TRIP11: variants seen among roughly 807,000 people sequenced by gnomAD.
The protein encoded by TRIP11 is thyroid receptor-interacting protein 11.
A neutral mutation model predicts 223.1 loss-of-function variants in TRIP11; 148 were observed. The ratio of observed to expected loss-of-function variants is 0.66; its 90% CI spans 0.58 to 0.76. The LOEUF (loss-of-function observed/expected upper bound fraction) is 0.76. Ranked by LOEUF, TRIP11 falls within the 30% of genes least tolerant of loss-of-function variation. TRIP11 has a pLI of 0.00. For synonymous variants in TRIP11, 762 were observed against 772.6 expected, an observed-to-expected ratio of 0.99 and a Z score of 0.23; for missense variants, 2,043 against 2,222.0, an observed-to-expected ratio of 0.92 and a Z score of 1.62.
Position 92,004,666 on chromosome 14 carries a change from C to T in TRIP11, c.3310G>A (p.Val1104Ile). The change falls in exon 11 of 21, where the codon GTT becomes ATT. Residue 1104 changes from valine (V) to isoleucine (I), a missense_variant. Transcript: ENST00000267622. ...TTTTCCCTAGTCTTCTCATTCAAAA[C>T]AGCAAATACCTTTTCTCTTTCCATA... ...YAMEREKVFA[V>I]LNEKTRENSH... 6.2e-7 allele frequency: 1 copy of T among 1,614,130 alleles called. No homozygotes were observed. The highest frequency in any genetic ancestry group is 8.5e-7 in the Non-Finnish European group (1 of 1,180,010).
At position 91,995,470 on chromosome 14, in the gene TRIP11, A is replaced by T; in HGVS notation, c.4938T>A (p.Asn1646Lys). The T allele has an allele frequency of 6.2e-7, 1 of 1,614,138 alleles. No individual in the cohort carries two copies. The highest frequency in any genetic ancestry group is 8.5e-7 in the Non-Finnish European group (1 of 1,180,006). Residue 1646 changes from asparagine (N) to lysine (K), a missense_variant, in exon 14 of 21, where the codon AAT becomes AAA. Coordinates refer to ENST00000267622, the MANE Select transcript of TRIP11 (RefSeq NM_004239.4). Reference protein sequence around the residue: ...VQVESLQEQLNVVSKQRDETA... With the variant: ...VQVESLQEQLKVVSKQRDETA... ...TTTCATCCCTTTGCTTGGAAACTAC[A>T]TTCAACTGTTCTTGCAATGACTCTA...
rs940531433 is a variant in TRIP11, at chr14:92,012,532, T to C, written c.1187-737A>G. 2.0e-5 allele frequency among the ~76,000 whole-genome samples: 3 copies of C among 152,086 alleles called. No individual in the cohort carries two copies. In the South Asian group the frequency reaches 6.2e-4, roughly 32 times the overall value. ...GAACAAACAGGGTAAACACCTAATC[T>C]AGATTAGGAGGAGCAAATGGGGCCA... On this transcript the variant is annotated intron_variant, in intron 7 of 20. Coordinates refer to ENST00000267622, the MANE Select transcript of TRIP11 (RefSeq NM_004239.4).
At chr14:92,039,320 T>C (rs917281950) in intron 1 of TRIP11, among the ~76,000 whole-genome samples, 1 of 152,144 alleles carries the variant, frequency 6.6e-6, no homozygotes, top group African/African-American at 2.4e-5. Flanking sequence ...CTTTGAGATA[T>C]CCAGAATATT....
rs567829857 is a variant in TRIP11, at chr14:92,010,862, G to A, written c.1314+124C>T. 7.9e-5 allele frequency: 73 copies of A among 921,762 alleles called. No homozygotes were observed. The South Asian group carries it at 9.3e-4, about 12-fold the overall frequency. 57.1% of individuals were successfully genotyped at this position (921,762 alleles called of 1,614,324 possible). Reference sequence around the variant, plus strand: ...CACCTAGCCTGAAAAGCATCAGTGAGATCAGCTTTATTCTAAGGACTTGAG... The same window carrying A: ...CACCTAGCCTGAAAAGCATCAGTGAAATCAGCTTTATTCTAAGGACTTGAG... On this transcript the variant is annotated intron_variant, in intron 9 of 20. Coordinates refer to ENST00000267622, the MANE Select transcript of TRIP11 (RefSeq NM_004239.4).
intron 16 of TRIP11, among the ~76,000 whole-genome samples, chr14:91,985,920 C>T (rs1485065390): frequency 1.3e-5 from 2 of 152,016 alleles, no homozygotes; most frequent in African/African-American, 4.8e-5. Flanking sequence ...AATAAAATTG[C>T]ATTTGTATTT....
rs778739757 is a variant in TRIP11 at position 92,005,145 on chromosome 14, C to G, written c.2831G>C (p.Arg944Thr). ...QEQKKEMDEF[R>T]YQHEQMNATH... ...GGCGTTCATTTGCTCATGCTGGTAT[C>G]TAAACTCATCCATTTCCTTCTTTTG... The change falls in exon 11 of 21, where the codon AGA (arginine) becomes ACA (threonine). Residue 944 changes from arginine to threonine, a missense_variant. Coordinates refer to ENST00000267622, the MANE Select transcript of TRIP11 (RefSeq NM_004239.4). The G allele has an allele frequency of 6.2e-7, 1 of 1,613,596 alleles. No homozygotes were observed. Among genetic ancestry groups the G allele is most frequent in the Non-Finnish European group, 8.5e-7 (1 of 1,180,036 alleles).
In TRIP11 at chr14:91,969,622, A is replaced by G. The variant is rs1191346150; in HGVS notation, c.*51T>C. 6.4e-7 allele frequency: 1 copy of G among 1,560,440 alleles called. No homozygotes were observed. Among genetic ancestry groups the G allele is most frequent in the South Asian group, 1.1e-5 (1 of 89,840 alleles). On this transcript the variant is annotated 3_prime_UTR_variant, in exon 21 of 21. Transcript: ENST00000267622. The stretch of plus-strand genomic sequence containing the variant: ...ACTTTGTGATAAAGTACATACATAT[A>G]GTGTTCATGGTTTCTTTAAAGTGCT...
chr14:92,010,746 C>A (rs74073684), intron 9 of TRIP11, among the ~76,000 whole-genome samples: 10 of 152,002 alleles, frequency 6.6e-5, no homozygotes, highest in African/African-American at 2.4e-4. Flanking sequence ...CTCCACCTAT[C>A]TTTTCTGCTT....
At chr14:91,974,159 T>C (rs1201979337) in intron 19 of TRIP11, among the ~76,000 whole-genome samples, 2 of 152,240 alleles carry the variant, frequency 1.3e-5, no homozygotes, top group African/African-American at 4.8e-5. Context: ...TATTAACTGC[T>C]TCCTCCTTCG....
At chr14:92,007,570 A>G (rs1185912555) in intron 10 of TRIP11, 70 bp downstream of exon 10, 1 of 1,510,248 alleles carries the variant, frequency 6.6e-7, no homozygotes, top group Non-Finnish European at 9.2e-7. Flanking sequence ...TAATTAAATC[A>G]CACCCACCAT....
At chr14:91,994,712 T>A (rs2056726082) in intron 14 of TRIP11, among the ~76,000 whole-genome samples, 1 of 152,216 alleles carries the variant, frequency 6.6e-6, no homozygotes, top group Non-Finnish European at 1.5e-5. Flanking sequence ...AATTACTGAA[T>A]GCATGAATAA....
At chr14:91,992,765 C>T (rs1026864821) in intron 15 of TRIP11, among the ~76,000 whole-genome samples, 10 of 151,604 alleles carry the variant, frequency 6.6e-5, no homozygotes, top group South Asian at 2.1e-4. Flanking sequence ...AAAAATTAGC[C>T]GGGTGTGGTG....
intron 15 of TRIP11, among the ~76,000 whole-genome samples, chr14:91,990,597 G>T (rs2056659161): frequency 6.6e-6 from 1 of 152,184 alleles, no homozygotes; most frequent in Non-Finnish European, 1.5e-5. Flanking sequence ...GAAATGCAAG[G>T]CTGTAGTGCA....
chr14:92,027,008 G>A, intron 2 of TRIP11: 1 of 668,866 alleles, frequency 1.5e-6, no homozygotes, highest in Non-Finnish European at 2.6e-6. Flanking sequence ...CGCCCACCGT[G>A]GGCAGTGCCA....
chr14:92,006,585 T>A, intron 10 of TRIP11, 137 bp from the exon 11 acceptor site: 6 of 966,534 alleles, frequency 6.2e-6, no homozygotes, highest in Non-Finnish European at 9.1e-6. Flanking sequence ...TGTTTTTCTA[T>A]CAAAAACACC....
At chr14:92,036,321 G>C (rs2057324944) in intron 1 of TRIP11, among the ~76,000 whole-genome samples, 1 of 152,156 alleles carries the variant, frequency 6.6e-6, no homozygotes, top group African/African-American at 2.4e-5. Context: ...GGGCAAATAT[G>C]ACATTTACCA....
Position 91,999,369 on chromosome 14 carries a change from A to G in TRIP11, c.4763T>C (p.Leu1588Pro). The G allele has an allele frequency of 6.2e-7, 1 of 1,613,984 alleles. No individual in the cohort carries two copies. The highest frequency in any genetic ancestry group is 8.5e-7 in the Non-Finnish European group (1 of 1,179,918). The change falls in exon 13 of 21, where the codon CTT becomes CCT. Residue 1588 changes from leucine (L) to proline (P), a missense_variant. Coordinates refer to ENST00000267622, the MANE Select transcript of TRIP11 (RefSeq NM_004239.4). Reference sequence around the variant, plus strand: ...GGTATAAGAATCTTCTGATTCTAAAAGATGATTACGCAATCTCTCTAGCTC... The same window carrying G: ...GGTATAAGAATCTTCTGATTCTAAAGGATGATTACGCAATCTCTCTAGCTC... The part of the protein sequence containing the change: ...NQELERLRNH[L>P]LESEDSYTRE...
chr14:92,026,844 A>C, intron 2 of TRIP11: 8 of 1,470,210 alleles, frequency 5.4e-6, no homozygotes, highest in Non-Finnish European at 5.6e-6. Flanking sequence ...GATGAGGATG[A>C]CGATGTTGAT....
intron 17 of TRIP11, 114 bp downstream of exon 17, chr14:91,975,994 A>G (rs2056459155): frequency 2.1e-6 from 2 of 937,364 alleles, no homozygotes; most frequent in East Asian, 2.7e-5. Flanking sequence ...GAGTGAGGGG[A>G]AAAAAGGCTT....
Sources: gnomAD v4.1 joint callset for allele counts (sites outside exome capture counted in the v4.1 genomes callset) on GRCh38, gnomAD v4.1.1 for gene constraint, MANE v1.5 for transcripts, NCBI Gene and HGNC (gene_info 2026-07-23, HGNC 2026-07-21) for gene names.